ECPAS: variants seen among roughly 807,000 people sequenced by gnomAD.
The protein encoded by ECPAS is Ecm29 proteasome adaptor and scaffold, also known as proteasome adapter and scaffold protein ECM29.
In ECPAS, 70 loss-of-function variants were observed where a neutral mutation model predicts 255.1. The ratio of observed to expected loss-of-function variants is 0.27; its 90% CI spans 0.23 to 0.33. The LOEUF is 0.33. ECPAS is among the 10% of genes least tolerant of loss of function. ECPAS has a pLI of 1.00. For synonymous variants in ECPAS, 784 were observed against 775.0 expected (o/e 1.01, Z -0.19); for missense variants, 1,817 against 2,206.4 (o/e 0.82, Z 3.54).
intron 35 of ECPAS, among the ~76,000 whole-genome samples, chr9:111,380,714 T>G (rs1042467547): frequency 1.3e-5 from 2 of 152,228 alleles, no homozygotes; most frequent in African/African-American, 4.8e-5. Flanking sequence ...CCTTTATCAG[T>G]GATCTTAGCT....
intron 25 of ECPAS, among the ~76,000 whole-genome samples, chr9:111,395,649 C>T (rs1031725851): frequency 1.3e-5 from 2 of 152,084 alleles, no homozygotes; most frequent in Admixed American, 6.6e-5. Flanking sequence ...CTCTACTAAC[C>T]TCTACTTGCT....
rs377052366 is a variant in ECPAS at position 111,386,371 on chromosome 9, C to A, written c.3527+6G>T. ...TTGACTAAACTTATATTCCTAAAAA[C>A]GGTACCTGGATTCTCGAACTCGCCA... On this transcript the variant is annotated splice_donor_region_variant and intron_variant, in intron 32 of 49. Coordinates refer to ENST00000684092, the MANE Select transcript of ECPAS (RefSeq NM_001364929.1). The A allele has an allele frequency of 6.4e-7, 1 of 1,557,482 alleles. No homozygotes were observed. The highest frequency in any genetic ancestry group is 1.4e-5 in the African/African-American group (1 of 73,352).
At chr9:111,421,266 T>C (rs2098213229) in intron 15 of ECPAS, among the ~76,000 whole-genome samples, 1 of 152,208 alleles carries the variant, frequency 6.6e-6, no homozygotes, top group Admixed American at 6.5e-5. Context: ...TTAAATCATG[T>C]CAGTCTAATT....
chr9:111,460,943 C>T (rs944890083), intron 2 of ECPAS, among the ~76,000 whole-genome samples: 3 of 152,142 alleles, frequency 2.0e-5, no homozygotes, highest in African/African-American at 7.2e-5. Context: ...GGCACAGTGG[C>T]TCGAGCCTAT....
intron 1 of ECPAS, among the ~76,000 whole-genome samples, chr9:111,473,595 C>T (rs2098292219): frequency 6.6e-6 from 1 of 152,208 alleles, no homozygotes; most frequent in African/African-American, 2.4e-5. Context: ...CATTCCCACA[C>T]TGTCTCCCTA....
chr9:111,426,865 G>T (rs1054433316), intron 10 of ECPAS, among the ~76,000 whole-genome samples: 2 of 152,050 alleles, frequency 1.3e-5, no homozygotes, highest in African/African-American at 2.4e-5. Context: ...CTACTTGGGA[G>T]GCCTGGAGAT....
intron 10 of ECPAS, among the ~76,000 whole-genome samples, chr9:111,426,045 C>G (rs2098221079): frequency 6.6e-6 from 1 of 152,170 alleles, no homozygotes; most frequent in Non-Finnish European, 1.5e-5. Flanking sequence ...TCGCACAAGT[C>G]TGCAAAGATT....
intron 25 of ECPAS, among the ~76,000 whole-genome samples, chr9:111,396,812 A>C (rs2098168303): frequency 6.6e-6 from 1 of 152,134 alleles, no homozygotes; most frequent in Non-Finnish European, 1.5e-5. Flanking sequence ...TCGGCCTCCC[A>C]AAGTGCTGGG....
chr9:111,366,033 GT>G, intron 48 of ECPAS: 5 of 527,322 alleles, frequency 9.5e-6, no homozygotes, highest in Non-Finnish European at 1.7e-5. Context: ...TGTCACGAAG[GT>G]TTTTCTAAAC....
chr9:111,446,813 T>C (rs2098253653), intron 3 of ECPAS, among the ~76,000 whole-genome samples: 1 of 152,182 alleles, frequency 6.6e-6, no homozygotes, highest in African/African-American at 2.4e-5. Flanking sequence ...CCCATTTTTT[T>C]TAACCTTTTC....
At position 111,442,351 on chromosome 9, in the gene ECPAS, G is replaced by A. The variant is rs758217755; in HGVS notation, c.344C>T (p.Thr115Met). Residue 115 changes from threonine to methionine, a missense_variant, in exon 5 of 50, where the codon ACG becomes ATG. Thr to Met is a moderately conservative substitution (Grantham distance 81). Coordinates refer to ENST00000684092, the MANE Select transcript of ECPAS (RefSeq NM_001364929.1). ...PVEKQCELAPTLLTAMEGKPQ... is the reference protein window; with the variant it reads ...PVEKQCELAPMLLTAMEGKPQ... Reference sequence around the variant, plus strand: ...CTTCCCTTCCATGGCAGTAAGAAGCGTAGGGGCCAGTTCACATTGTTTTTC... The same window carrying A: ...CTTCCCTTCCATGGCAGTAAGAAGCATAGGGGCCAGTTCACATTGTTTTTC... 1 of 1,612,996 alleles carries A rather than the reference G, an allele frequency of 6.2e-7. No individual in the cohort carries two copies. The highest frequency in any genetic ancestry group is 8.5e-7 in the Non-Finnish European group (1 of 1,179,416).
At chr9:111,434,201 C>A (rs183581919) in intron 7 of ECPAS, among the ~76,000 whole-genome samples, 11 of 152,262 alleles carry the variant, frequency 7.2e-5, no homozygotes, top group African/African-American at 2.6e-4. Context: ...AAGGGCCTGC[C>A]TTCCCTCCCC....
intron 15 of ECPAS, among the ~76,000 whole-genome samples, chr9:111,420,507 C>T (rs1485510715): frequency 6.6e-5 from 10 of 152,132 alleles, no homozygotes; most frequent in African/African-American, 1.9e-4. Context: ...CTGTCAGTCA[C>T]ATGAGTGAAA....
intron 18 of ECPAS, 29 bp downstream of exon 18, chr9:111,416,243 A>C (rs2098203313): frequency 1.3e-6 from 2 of 1,552,306 alleles, no homozygotes; most frequent in Non-Finnish European, 1.8e-6. Flanking sequence ...CACTTACAAA[A>C]AGTAAATAGA....
chr9:111,368,439 T>C (rs562328572), intron 46 of ECPAS, among the ~76,000 whole-genome samples: 33 of 152,282 alleles, frequency 2.2e-4, no homozygotes, highest in African/African-American at 7.7e-4. Flanking sequence ...AGAAGATCAG[T>C]AGAACTCGTC....
chr9:111,435,247 T>C (rs997864109), intron 7 of ECPAS, among the ~76,000 whole-genome samples: 7 of 152,148 alleles, frequency 4.6e-5, no homozygotes, highest in Non-Finnish European at 7.3e-5. Flanking sequence ...AATATTTACA[T>C]TGTTTATAAT....
At chr9:111,483,887 T>G in intron 1 of ECPAS, 1 of 548,762 alleles carries the variant, frequency 1.8e-6, no homozygotes, top group Non-Finnish European at 2.3e-6. Context: ...ACGCCGGTTT[T>G]ATATTTAGAA....
intron 1 of ECPAS, among the ~76,000 whole-genome samples, chr9:111,483,338 T>C (rs1487660353): frequency 6.6e-6 from 1 of 151,244 alleles, no homozygotes; most frequent in African/African-American, 2.4e-5. Flanking sequence ...GCGGCGACGG[T>C]CCGCGCCCCG....
Position 111,370,441 on chromosome 9 carries a change from G to C in ECPAS, c.4968C>G (p.Ile1656Met), listed in dbSNP as rs2098125957. The C allele has an allele frequency of 6.3e-7, 1 of 1,581,584 alleles. No homozygotes were observed. ...QEFSNIVIPL[I>M]KKNSLESSGV... ...AGGATACAGGTGGTATTACCTTCTT[G>C]ATGAGAGGTATGACAATGTTAGAGA... is the stretch of plus-strand genomic sequence containing the variant. Residue 1656 changes from isoleucine (I) to methionine (M), a missense_variant, in exon 45 of 50, where the codon ATC (isoleucine) becomes ATG (methionine). Around this residue, in one of 4 missense-constraint regions of ECPAS, gnomAD observed 960 missense variants for 1,179.0 expected, o/e 0.81. Coordinates refer to ENST00000684092, the MANE Select transcript of ECPAS (RefSeq NM_001364929.1).
Sources: allele counts gnomAD v4.1 joint callset (sites outside exome capture counted in the v4.1 genomes callset), GRCh38; gene constraint gnomAD v4.1.1; regional missense constraint gnomAD v4.1.1; transcripts MANE v1.5; gene names NCBI Gene and HGNC (gene_info 2026-07-23, HGNC 2026-07-21).